Variants in KIF13B observed in about 807,000 individuals in gnomAD.
KIF13B encodes the protein kinesin family member 13B, also known as kinesin-like protein KIF13B.
KIF13B carries 127 observed loss-of-function variants against 222.0 expected under a neutral mutation model. The ratio of observed to expected loss-of-function variants is 0.57; its 90% confidence interval spans 0.50 to 0.66. The LOEUF (loss-of-function observed/expected upper bound fraction) is 0.66. Among genes scored for constraint, KIF13B ranks in the 30% least tolerant of loss-of-function variants. KIF13B has a pLI of 0.00. For missense variants in KIF13B, 2,173 were observed against 2,379.0 expected (o/e 0.91, Z 1.80); for synonymous variants, 976 against 919.0 (o/e 1.06, Z -1.12).
intron 26 of KIF13B, among the ~76,000 whole-genome samples, chr8:29,125,278 G>A (rs1444941021): frequency 6.6e-6 from 1 of 152,150 alleles, no homozygotes; most frequent in East Asian, 1.9e-4. Flanking sequence ...ACACCTACAT[G>A]AATATCAATC....
chr8:29,153,005 T>A (rs1217539181), intron 14 of KIF13B, among the ~76,000 whole-genome samples: 1 of 152,246 alleles, frequency 6.6e-6, no homozygotes, highest in Non-Finnish European at 1.5e-5. Context: ...TGCTTTACTA[T>A]GATATTTGCT....
intron 31 of KIF13B, among the ~76,000 whole-genome samples, chr8:29,115,721 G>C (rs1336529208): frequency 6.6e-6 from 1 of 152,110 alleles, no homozygotes; most frequent in Non-Finnish European, 1.5e-5. Context: ...ATGCTCCTTG[G>C]CACAGGCAGG....
At chr8:29,223,510 A>G (rs1814863416) in intron 2 of KIF13B, among the ~76,000 whole-genome samples, 1 of 152,196 alleles carries the variant, frequency 6.6e-6, no homozygotes, top group African/African-American at 2.4e-5. Context: ...TATATCTAAC[A>G]ATTTAAATGG....
chr8:29,263,214 G>A (rs1816757044), upstream of KIF13B: 4 of 571,894 alleles, frequency 7.0e-6, no homozygotes, highest in Non-Finnish European at 1.2e-5. Context: ...GTTCCCCAGG[G>A]TCGTCGTGGG....
chr8:29,108,238 T>C (rs1336059985), intron 34 of KIF13B, 46 bp from the exon 35 acceptor site: 1 of 1,576,892 alleles, frequency 6.3e-7, no homozygotes, highest in Non-Finnish European at 8.7e-7. Context: ...CATCAGAGCA[T>C]ACACGTGGTC....
At chr8:29,081,010 G>A (rs140304019) in intron 37 of KIF13B, among the ~76,000 whole-genome samples, 2 of 152,156 alleles carry the variant, frequency 1.3e-5, no homozygotes, top group African/African-American at 2.4e-5. Flanking sequence ...CATGTCGCTC[G>A]CCACCTTGCA....
At chr8:29,204,765 C>T (rs564565699) in intron 2 of KIF13B, among the ~76,000 whole-genome samples, 1 of 148,976 alleles carries the variant, frequency 6.7e-6, no homozygotes, top group Admixed American at 6.6e-5. Flanking sequence ...CCTTCGGCCA[C>T]AGACCAAAAA....
intron 1 of KIF13B, among the ~76,000 whole-genome samples, chr8:29,257,803 C>A (rs1407832419): frequency 2.6e-5 from 4 of 151,894 alleles, no homozygotes; most frequent in East Asian, 1.9e-4. Context: ...CAGAGGGAGA[C>A]CCTGTCTCAA....
intron 35 of KIF13B, among the ~76,000 whole-genome samples, chr8:29,106,837 T>A (rs1350048767): frequency 6.6e-6 from 1 of 152,096 alleles, no homozygotes; most frequent in African/African-American, 2.4e-5. Flanking sequence ...CGCTGCCTCG[T>A]AGATTTGAAA....
intron 2 of KIF13B, among the ~76,000 whole-genome samples, chr8:29,238,455 C>T (rs1815612281): frequency 6.6e-6 from 1 of 152,130 alleles, no homozygotes; most frequent in Admixed American, 6.5e-5. Flanking sequence ...TCATTAATTA[C>T]CTAATGATAC....
chr8:29,180,290 C>G, intron 7 of KIF13B, 52 bp from the exon 8 acceptor site: 1 of 1,569,710 alleles, frequency 6.4e-7, no homozygotes, highest in South Asian at 1.1e-5. Flanking sequence ...GTAATACACA[C>G]TAAAATCCTG....
intron 37 of KIF13B, among the ~76,000 whole-genome samples, chr8:29,090,145 AG>A (rs1808228471): frequency 1.3e-5 from 2 of 152,128 alleles, no homozygotes; most frequent in African/African-American, 4.8e-5. Context: ...AGTACTGGTG[AG>A]CGAATAAAGA....
intron 2 of KIF13B, among the ~76,000 whole-genome samples, chr8:29,237,918 G>A (rs1815584023): frequency 6.6e-6 from 1 of 152,180 alleles, no homozygotes; most frequent in Non-Finnish European, 1.5e-5. Context: ...CAACTTCTGA[G>A]TACACAGAAC....
rs372143858 is a variant in KIF13B, at chr8:29,127,239, C to T, written c.3105G>A (p.Val1035=). 3.0e-5 allele frequency: 48 copies of T among 1,613,800 alleles called. No homozygotes were observed. The highest frequency in any genetic ancestry group is 3.8e-5 in the Non-Finnish European group (45 of 1,179,836). ...AAGTCCCAGATTCCTGCACTGACTT[C>T]ACTTCGACTTGAACTCTCCGGGACT... is the stretch of plus-strand genomic sequence containing the variant. ...QGQSRRVQVE[V]KSVQESGTLP... is the part of the protein sequence containing the mutation. Residue 1035 remains valine (V), a synonymous_variant, in exon 25 of 40, where the codon GTG becomes GTA. Coordinates refer to ENST00000524189, the MANE Select transcript of KIF13B (RefSeq NM_015254.4).
chr8:29,080,400 T>C (rs1343189783), intron 37 of KIF13B, among the ~76,000 whole-genome samples: 1 of 151,320 alleles, frequency 6.6e-6, no homozygotes, highest in Non-Finnish European at 1.5e-5. Flanking sequence ...GAAACACTTT[T>C]CTAAGGTTGT....
intron 2 of KIF13B, among the ~76,000 whole-genome samples, chr8:29,233,855 G>A (rs1181466029): frequency 6.6e-6 from 1 of 152,160 alleles, no homozygotes; most frequent in Admixed American, 6.5e-5. Flanking sequence ...CTTTGTCTCT[G>A]AAGTACATGT....
intron 2 of KIF13B, among the ~76,000 whole-genome samples, chr8:29,232,792 G>A (rs1008012171): frequency 1.3e-5 from 2 of 152,044 alleles, no homozygotes; most frequent in African/African-American, 4.8e-5. Context: ...TTAATATCCT[G>A]GTAGACACAG....
intron 2 of KIF13B, among the ~76,000 whole-genome samples, chr8:29,234,906 T>G (rs1815440418): frequency 6.6e-6 from 1 of 152,118 alleles, no homozygotes; most frequent in South Asian, 2.1e-4. Context: ...AGATTCAGAT[T>G]ATTTAAGAAA....
intron 2 of KIF13B, among the ~76,000 whole-genome samples, chr8:29,211,064 C>A (rs925917875): frequency 2.0e-5 from 3 of 152,224 alleles, no homozygotes; most frequent in Non-Finnish European, 4.4e-5. Context: ...AAGAAAAAGG[C>A]ACCATGTGCT....
Sources: allele counts gnomAD v4.1 joint callset (sites outside exome capture counted in the v4.1 genomes callset), GRCh38; gene constraint gnomAD v4.1.1; transcripts MANE v1.5; gene names NCBI Gene and HGNC (gene_info 2026-07-23, HGNC 2026-07-21).